ZNF41: variants seen among roughly 807,000 people sequenced by gnomAD.
The protein encoded by ZNF41 is zinc finger protein 41.
A neutral mutation model predicts 9.3 loss-of-function variants in ZNF41; 6 were observed. That is an observed-to-expected ratio of 0.65 (90% CI 0.35 to 1.28). The LOEUF is 1.28. Among genes scored for constraint, ZNF41 ranks in the 50% most tolerant of loss-of-function variants. The pLI is 0.03. For missense variants in ZNF41, 523 were observed against 585.8 expected (o/e 0.89, Z 1.11); for synonymous variants, 192 against 207.1 (o/e 0.93, Z 0.63).
Position 47,483,204 on chromosome X carries a change from C to G in ZNF41, c.-389G>C, listed in dbSNP as rs1385147711. ...TGCAGTTGCCGCGGGGGGAGTCGTG[C>G]GTGTCAGATTTAGGCCAGGAAGCGG... On this transcript the variant is annotated 5_prime_UTR_variant, in exon 1 of 5. Transcript: ENST00000684689. 9.0e-6 allele frequency among the ~76,000 whole-genome samples: 1 copy of G among 111,513 alleles called. No individual in the cohort carries two copies. Among genetic ancestry groups the G allele is most frequent in the Non-Finnish European group, 1.9e-5 (1 of 53,033 alleles).
In ZNF41 at chrX:47,447,135, A is replaced by G. The variant is rs1209707532; in HGVS notation, c.*295T>C. On this transcript the variant is annotated 3_prime_UTR_variant, in exon 5 of 5. Transcript: ENST00000684689. ...CATCTCCTCAGGTCTTAATTCTACT[A>G]TTTCCAGGAGCTCAAGAGGTCTGTA... 11 of 333,986 alleles carry G rather than the reference A, an allele frequency of 3.3e-5. 1 individual carries two copies. The highest frequency in any genetic ancestry group is 7.9e-5 in the African/African-American group (3 of 38,087). The allele number at this position is 333,986 out of a possible 1,213,427, so 27.5% of individuals were successfully genotyped here.
Position 47,448,823 on chromosome X carries a change from A to G in ZNF41, c.947T>C (p.Val316Ala). The part of the protein sequence containing the change: ...KVFPQKPQVD[V>A]HPSVYTGEKP... Reference sequence around the variant, plus strand: ...TTCTCCTGTATAAACACTTGGATGTACATCAACCTGGGGTTTCTGGGGGAA... The same window carrying G: ...TTCTCCTGTATAAACACTTGGATGTGCATCAACCTGGGGTTTCTGGGGGAA... The change falls in exon 5 of 5, where the codon GTA (valine) becomes GCA (alanine). Residue 316 changes from valine (V) to alanine (A), a missense_variant. By Grantham distance (64) the Val-to-Ala change is moderately conservative (BLOSUM62 0). Transcript: ENST00000684689. 4.1e-6 allele frequency: 5 copies of G among 1,211,764 alleles called. No individual in the cohort carries two copies. The South Asian group carries it at 8.8e-5, about 21-fold the overall frequency.
chrX:47,450,274 G>A (rs1163449161), intron 4 of ZNF41, among the ~76,000 whole-genome samples: 3 of 110,421 alleles, frequency 2.7e-5, no homozygotes, highest in Non-Finnish European at 3.8e-5. Flanking sequence ...GCGGTGGTGC[G>A]ATCTCGGCTC....
chrX:47,470,183 G>A (rs2057139431), intron 1 of ZNF41, among the ~76,000 whole-genome samples: 1 of 109,978 alleles, frequency 9.1e-6, no homozygotes, highest in Admixed American at 9.8e-5. Flanking sequence ...GGAGGCCGAG[G>A]CAGGCGAATC....
chrX:47,482,353 C>CCATGT (rs2147872528), intron 1 of ZNF41: 1 of 110,426 alleles, frequency 9.1e-6, no homozygotes, highest in Admixed American at 9.6e-5. Flanking sequence ...AGTACAAAAT[C>CCATGT]CATGTCATAA....
chrX:47,462,907 T>C (rs1370429181), intron 2 of ZNF41, among the ~76,000 whole-genome samples: 12 of 95,216 alleles, frequency 1.3e-4, no homozygotes, highest in African/African-American at 4.8e-4. Context: ...TTTTTTTTTG[T>C]ATGTATATAT....
chrX:47,457,371 T>C (rs754631283), intron 2 of ZNF41, among the ~76,000 whole-genome samples: 1 of 109,468 alleles, frequency 9.1e-6, no homozygotes, highest in Non-Finnish European at 1.9e-5. Context: ...GATTGTATCA[T>C]TGCACTTCAG....
At chrX:47,480,792 G>A (rs1178645506) in intron 1 of ZNF41, among the ~76,000 whole-genome samples, 8 of 105,389 alleles carry the variant, frequency 7.6e-5, no homozygotes, top group Non-Finnish European at 1.6e-4. Flanking sequence ...CGCACATCAA[G>A]GCAAACTAGA....
chrX:47,448,630 T>TTC lies in ZNF41; in HGVS notation c.1138_1139dup (p.Pro382AsnfsTer214). 1 of 1,211,787 alleles carries TTC rather than the reference T, an allele frequency of 8.3e-7. No individual in the cohort carries two copies. Among genetic ancestry groups the TTC allele is most frequent in the Non-Finnish European group, 1.1e-6 (1 of 895,523 alleles). On this transcript the variant is annotated frameshift_variant, in exon 5 of 5. Transcript: ENST00000684689. LOFTEE classifies it low-confidence loss of function (END_TRUNC). ...CACATTCACTGCATTCATAAGGTTTTTCTCCTGTATGAATTCTCAGATGTC... is the reference window on the plus strand; with the variant it reads ...CACATTCACTGCATTCATAAGGTTTTTCTCTCCTGTATGAATTCTCAGATGTC...
At chrX:47,462,954 CACACACACACACATATGTGT>C (rs2056861213) in intron 2 of ZNF41, among the ~76,000 whole-genome samples, 2 of 104,457 alleles carry the variant, frequency 1.9e-5, no homozygotes, top group African/African-American at 3.5e-5. Context: ...TATACACACA[CACACACACACACATATGTGT>C]ACACACACAC....
intron 1 of ZNF41, among the ~76,000 whole-genome samples, chrX:47,482,009 C>T (rs1337321166): frequency 9.1e-6 from 1 of 109,897 alleles, no homozygotes; most frequent in Non-Finnish European, 1.9e-5. Context: ...AAACGCATCA[C>T]TCACCCAGCA....
intron 1 of ZNF41, among the ~76,000 whole-genome samples, chrX:47,468,681 A>G (rs1039122097): frequency 9.0e-6 from 1 of 111,262 alleles, no homozygotes; most frequent in Non-Finnish European, 1.9e-5. Flanking sequence ...ATGATAACCA[A>G]TGTCCATAGG....
At chrX:47,454,191 A>T (rs1480542004) in intron 4 of ZNF41, among the ~76,000 whole-genome samples, 1 of 111,635 alleles carries the variant, frequency 9.0e-6, no homozygotes, top group Non-Finnish European at 1.9e-5. Flanking sequence ...AATGGGATGC[A>T]GATCAGTAAG....
chrX:47,450,525 A>G (rs995587736), intron 4 of ZNF41, among the ~76,000 whole-genome samples: 1 of 111,080 alleles, frequency 9.0e-6, no homozygotes, highest in Non-Finnish European at 1.9e-5. Flanking sequence ...TGCAGTTTCT[A>G]TTGGTTCCAG....
intron 1 of ZNF41, among the ~76,000 whole-genome samples, chrX:47,470,271 G>A (rs1431819273): frequency 1.8e-5 from 2 of 108,811 alleles, no homozygotes; most frequent in African/African-American, 3.3e-5. Flanking sequence ...AATTAGCTGC[G>A]TGTGGTGGTG....
intron 1 of ZNF41, among the ~76,000 whole-genome samples, chrX:47,469,819 G>A (rs983594329): frequency 9.0e-6 from 1 of 110,876 alleles, no homozygotes; most frequent in East Asian, 2.9e-4. Context: ...GCAGTGAGCC[G>A]AGATCGTGCC....
intron 1 of ZNF41, among the ~76,000 whole-genome samples, chrX:47,481,118 A>G (rs2057460868): frequency 1.8e-5 from 2 of 111,685 alleles, no homozygotes; most frequent in Admixed American, 1.9e-4. Context: ...CATTAGAAGG[A>G]AACTATAGTG....
chrX:47,467,446 C>T lies in ZNF41; in HGVS notation c.36G>A (p.Pro12=), dbSNP rs778031210. 2.4e-5 allele frequency: 28 copies of T among 1,188,748 alleles called. No homozygotes were observed. In the East Asian group the frequency reaches 6.7e-4, roughly 28 times the overall value. The change falls in exon 2 of 5, where the codon CCG becomes CCA. Residue 12 remains proline, a synonymous_variant. Transcript: ENST00000684689. ...AANGDSPPWS[P]ALAAEGRGSS... ...TGCCACGTCCCTCTGCAGCCAGGGC[C>T]GGGGACCATGGGGGAGAGTCCCCAT...
chrX:47,467,377 A>C, intron 2 of ZNF41, 33 bp downstream of exon 2: 1 of 1,171,906 alleles, frequency 8.5e-7, no homozygotes, highest in Non-Finnish European at 1.1e-6. Context: ...TCACTGAATG[A>C]ATTCTTGCCT....
Sources: allele counts gnomAD v4.1 joint callset (sites outside exome capture counted in the v4.1 genomes callset), GRCh38; gene constraint gnomAD v4.1.1; transcripts MANE v1.5; gene names NCBI Gene and HGNC (gene_info 2026-07-23, HGNC 2026-07-21).